The following PAICS variants were observed in gnomAD, a reference collection of about 807,000 sequenced individuals.
The protein encoded by PAICS is bifunctional phosphoribosylaminoimidazole carboxylase/phosphoribosylaminoimidazole succinocarboxamide synthetase.
Under a neutral mutation model 53.7 loss-of-function variants are expected in PAICS, and 33 were observed. That is an observed-to-expected ratio of 0.61 (90% CI 0.47 to 0.82). The LOEUF is 0.82. PAICS is among the 40% of genes least tolerant of loss of function. The probability of loss-of-function intolerance (pLI) is 0.00; values close to 1 mark genes in which losing one functional copy is unlikely to be tolerated. For synonymous variants in PAICS, 141 were observed against 167.2 expected (o/e 0.84, Z 1.21); for missense variants, 394 against 494.1 (o/e 0.80, Z 1.92).
At chr4:56,453,567 A>T in intron 7 of PAICS, 36 bp from the exon 8 acceptor site, 1 of 1,439,372 alleles carries the variant, frequency 6.9e-7, no homozygotes, top group Non-Finnish European at 9.4e-7. Flanking sequence ...TCTGTTTTGA[A>T]TGTTTAGCAT....
At chr4:56,453,529 A>G in intron 7 of PAICS, 74 bp from the exon 8 acceptor site, 1 of 223,000 alleles carries the variant, frequency 4.5e-6, no homozygotes, top group Non-Finnish European at 6.5e-6. Context: ...GCCTTAAACC[A>G]AAAAAAAAAA....
chr4:56,429,353 AAAG>A, the PAICS span, among the ~76,000 whole-genome samples: 2 of 152,206 alleles, frequency 1.3e-5, no homozygotes, highest in African/African-American at 4.8e-5. Flanking sequence ...TCAGATGTAA[AAAG>A]AAAAAAATCC....
At chr4:56,417,835 GTTTT>G in the PAICS span, among the ~76,000 whole-genome samples, 2 of 102,530 alleles carry the variant, frequency 2.0e-5, no homozygotes, top group African/African-American at 7.0e-5. Flanking sequence ...TGAAGATTTG[GTTTT>G]TTGTTTTTTT....
chr4:56,438,371 T>TATA (rs1718133599), intron 1 of PAICS, among the ~76,000 whole-genome samples: 17 of 113,634 alleles, frequency 1.5e-4, no homozygotes, highest in African/African-American at 4.5e-4. Context: ...TGCAATGTGT[T>TATA]TATATATATA....
At chr4:56,437,298 T>TGTGTGTGTGTGTGTGTG (rs1560655715) in intron 1 of PAICS, among the ~76,000 whole-genome samples, 3 of 147,848 alleles carry the variant, frequency 2.0e-5, no homozygotes, top group South Asian at 2.2e-4. Context: ...TGTGTGTGTG[T>TGTGTGTGTGTGTGTGTG]TCGTTCCAGT....
At chr4:56,433,183 T>C (rs1717693160), upstream of PAICS, among the ~76,000 whole-genome samples, 1 of 151,894 alleles carries the variant, frequency 6.6e-6, no homozygotes, top group South Asian at 2.1e-4. Context: ...TTGAATTGAT[T>C]ATGGGTGAGA....
intron 2 of PAICS, 191 bp downstream of exon 2, chr4:56,442,051 G>T: frequency 2.0e-6 from 1 of 492,742 alleles, no homozygotes; most frequent in Middle Eastern, 3.3e-4. Flanking sequence ...TAGTATCATT[G>T]AATTAAAAGG....
At chr4:56,430,211 A>G in the PAICS span, among the ~76,000 whole-genome samples, 1 of 152,212 alleles carries the variant, frequency 6.6e-6, no homozygotes, top group African/African-American at 2.4e-5. Flanking sequence ...ATGTCTCTCA[A>G]TGGACATATG....
intron 8 of PAICS, among the ~76,000 whole-genome samples, chr4:56,454,661 T>C (rs1183176326): frequency 2.0e-5 from 3 of 152,314 alleles, no homozygotes; most frequent in Non-Finnish European, 2.9e-5. Flanking sequence ...GAATTTTCTA[T>C]ATTTTGGATT....
chr4:56,428,928 T>C, the PAICS span: 3 of 901,870 alleles, frequency 3.3e-6, no homozygotes, highest in South Asian at 1.0e-4. Context: ...TTTTCCTGTG[T>C]TTTTATTTAA....
chr4:56,452,658 A>G (rs1241833270), intron 7 of PAICS, among the ~76,000 whole-genome samples: 4 of 152,342 alleles, frequency 2.6e-5, no homozygotes, highest in South Asian at 4.1e-4. Context: ...AATATACTCC[A>G]ATAGAAAATA....
At chr4:56,459,139 G>A (rs1177455179) in intron 8 of PAICS, among the ~76,000 whole-genome samples, 1 of 152,128 alleles carries the variant, frequency 6.6e-6, no homozygotes, top group Non-Finnish European at 1.5e-5. Flanking sequence ...GGTGATAGAT[G>A]ATATATATAA....
At chr4:56,451,319 C>G (rs1251522725) in intron 6 of PAICS, 2 of 152,634 alleles carry the variant, frequency 1.3e-5, no homozygotes, top group African/African-American at 4.8e-5. Flanking sequence ...GTCAGAGTTC[C>G]ATTAGCATGG....
intron 6 of PAICS, 87 bp from the exon 7 acceptor site, chr4:56,451,785 G>C (rs1429546918): frequency 1.4e-6 from 1 of 710,800 alleles, no homozygotes; most frequent in Non-Finnish European, 2.2e-6. Flanking sequence ...AAAATATTGG[G>C]CCCAGATATA....
the PAICS span, among the ~76,000 whole-genome samples, chr4:56,425,984 G>A: frequency 6.6e-6 from 1 of 152,134 alleles, no homozygotes; most frequent in Non-Finnish European, 1.5e-5. Context: ...CAACTTTTCT[G>A]AGATGTGATT....
chr4:56,423,764 T>G, the PAICS span, among the ~76,000 whole-genome samples: 2 of 152,088 alleles, frequency 1.3e-5, no homozygotes, highest in African/African-American at 4.8e-5. Context: ...GAGATTATAT[T>G]ATTTTAAACT....
rs1719431177 is a variant in PAICS, at chr4:56,460,132, CTA to C, written c.*596_*597del. The stretch of plus-strand genomic sequence containing the variant: ...AAACTCCTGAACCCTAGTAATTCTC[CTA>C]TCTCAGCCTCCCAAAGTGCTAGGGT... On this transcript the variant is annotated 3_prime_UTR_variant, in exon 9 of 9. Coordinates refer to ENST00000512576, the MANE Select transcript of PAICS (RefSeq NM_001079524.2). The C allele has an allele frequency of 6.6e-6, 1 of 152,396 alleles. No homozygotes were observed. Among genetic ancestry groups the C allele is most frequent in the Non-Finnish European group, 1.5e-5 (1 of 68,240 alleles). 9.4% of individuals were successfully genotyped at this position (152,396 alleles called of 1,614,324 possible).
chr4:56,435,258 G>T (rs989662198), upstream of PAICS: 1 of 1,566,382 alleles, frequency 6.4e-7, no homozygotes, highest in Non-Finnish European at 8.7e-7. Context: ...CGGTCCTCCC[G>T]GGCCCTCGGG....
At chr4:56,437,009 GA>G (rs1718027460) in intron 1 of PAICS, among the ~76,000 whole-genome samples, 2 of 152,070 alleles carry the variant, frequency 1.3e-5, no homozygotes, top group African/African-American at 2.4e-5. Context: ...AAAAGAAAAA[GA>G]AAAACCTGTC....
Sources: gnomAD v4.1 joint callset for allele counts (sites outside exome capture counted in the v4.1 genomes callset) on GRCh38, gnomAD v4.1.1 for gene constraint, MANE v1.5 for transcripts, NCBI Gene and HGNC (gene_info 2026-07-23, HGNC 2026-07-21) for gene names.